The following TRAPPC8 variants were observed in gnomAD, a reference collection of about 807,000 sequenced individuals.
TRAPPC8 encodes the protein trafficking protein particle complex subunit 8.
TRAPPC8 carries 54 observed loss-of-function variants against 174.3 expected under a neutral mutation model. The ratio of observed to expected loss-of-function variants is 0.31; its 90% CI spans 0.25 to 0.39. TRAPPC8 has a LOEUF of 0.39. TRAPPC8 is among the 10% of genes least tolerant of loss of function. The probability of loss-of-function intolerance (pLI) is 1.00; values close to 1 mark genes in which losing one functional copy is unlikely to be tolerated. For synonymous variants in TRAPPC8, 630 were observed against 579.9 expected (o/e 1.09, Z -1.24); for missense variants, 1,531 against 1,699.1 (o/e 0.90, Z 1.74).
chr18:31,942,580 C>T (rs2038394799), intron 1 of TRAPPC8, 28 bp downstream of exon 1: 1 of 1,498,858 alleles, frequency 6.7e-7, no homozygotes, highest in Admixed American at 2.2e-5. Context: ...TTGCGGGAGC[C>T]CACTGGAAAA....
chr18:31,858,862 G>A (rs2034173440), intron 19 of TRAPPC8, among the ~76,000 whole-genome samples: 1 of 149,012 alleles, frequency 6.7e-6, no homozygotes, highest in Admixed American at 6.6e-5. Context: ...GCCAGAGTTG[G>A]TGGATCCCAG....
chr18:31,910,404 G>T (rs1184764145), intron 5 of TRAPPC8, among the ~76,000 whole-genome samples: 1 of 152,116 alleles, frequency 6.6e-6, no homozygotes, highest in Non-Finnish European at 1.5e-5. Context: ...AAGTGACCAG[G>T]ACAAGAAAGT....
intron 27 of TRAPPC8, among the ~76,000 whole-genome samples, chr18:31,834,453 A>G (rs2032588887): frequency 1.3e-5 from 2 of 152,276 alleles, no homozygotes; most frequent in Middle Eastern, 3.4e-3. Flanking sequence ...TAGTTTTTCT[A>G]AAATGCTAAT....
At chr18:31,853,807 G>T in intron 22 of TRAPPC8, 42 bp downstream of exon 22, 2 of 1,460,404 alleles carry the variant, frequency 1.4e-6, no homozygotes, top group Non-Finnish European at 9.4e-7. Context: ...ACCAAGTAAT[G>T]AAGTTTCAAA....
At chr18:31,901,108 A>C in intron 9 of TRAPPC8, 83 bp from the exon 10 acceptor site, 1 of 1,268,006 alleles carries the variant, frequency 7.9e-7, no homozygotes, top group Non-Finnish European at 1.1e-6. Flanking sequence ...TTGGAATGAA[A>C]TTTGCTGTTT....
intron 16 of TRAPPC8, among the ~76,000 whole-genome samples, chr18:31,869,841 C>A (rs1568066799): frequency 6.6e-6 from 1 of 152,184 alleles, no homozygotes; most frequent in African/African-American, 2.4e-5. Context: ...GTAATCCCAG[C>A]ACTTCGGGAG....
chr18:31,881,893 ACTAAT>A (rs1416519934), intron 12 of TRAPPC8, among the ~76,000 whole-genome samples: 1 of 152,184 alleles, frequency 6.6e-6, no homozygotes, highest in Non-Finnish European at 1.5e-5. Flanking sequence ...ACTGAACATC[ACTAAT>A]CATTAGAGAA....
In TRAPPC8 at chr18:31,909,708, T is replaced by C. The variant is rs764698830; in HGVS notation, c.824A>G (p.Asn275Ser). The C allele has an allele frequency of 6.2e-7, 1 of 1,601,302 alleles. No individual in the cohort carries two copies. The highest frequency in any genetic ancestry group is 8.5e-7 in the Non-Finnish European group (1 of 1,176,558). Residue 275 changes from asparagine (N) to serine (S), a missense_variant, in exon 6 of 29, where the codon AAT becomes AGT. Transcript: ENST00000283351. ...CTITSNKNSD[N>S]NLLSLDGLDN... ...TAATCCATCCAATGAAAGCAAGTTA[T>C]TATCAGAATTCTTATTTGAAGTTAT...
In TRAPPC8 at chr18:31,880,113, ATATATATATTT is replaced by A. The variant is rs1315989318; in HGVS notation, c.1729-5420_1729-5410del. Among the ~76,000 whole-genome samples, 26 of 84,128 alleles carry A rather than the reference ATATATATATTT, an allele frequency of 3.1e-4. 1 individual carries two copies. Among genetic ancestry groups the A allele is most frequent in the South Asian group, 8.4e-4 (2 of 2,394 alleles). The allele number at this position is 84,128 out of a possible 152,430, so 55.2% of individuals were successfully genotyped here. On this transcript the variant is annotated intron_variant, in intron 12 of 28. Coordinates refer to ENST00000283351, the MANE Select transcript of TRAPPC8 (RefSeq NM_014939.5). ...AAAATATATATATATATATATATAT[ATATATATATTT>A]TTTTTTTTTTAAGGAAGAAAGATTC...
In TRAPPC8 at chr18:31,917,409, T is replaced by C. The variant is rs185785259; in HGVS notation, c.442+169A>G. 2.0e-5 allele frequency among the ~76,000 whole-genome samples: 3 copies of C among 151,512 alleles called. No homozygotes were observed. The East Asian group carries it at 5.8e-4, about 29-fold the overall frequency. On this transcript the variant is annotated intron_variant, in intron 3 of 28. Transcript: ENST00000283351. ...TTAAAAAATTGTTATAGCAGTCCTG[T>C]ATCTAGGAGGCCATTTAACAAAATA...
At chr18:31,934,016 C>T (rs1401076941) in intron 1 of TRAPPC8, among the ~76,000 whole-genome samples, 1 of 151,888 alleles carries the variant, frequency 6.6e-6, no homozygotes, top group Non-Finnish European at 1.5e-5. Flanking sequence ...GGTGAAACCC[C>T]CATCTCTACT....
At chr18:31,854,515 C>T (rs1448219571) in intron 21 of TRAPPC8, among the ~76,000 whole-genome samples, 1 of 151,962 alleles carries the variant, frequency 6.6e-6, no homozygotes, top group Admixed American at 6.6e-5. Flanking sequence ...AGCACATTAG[C>T]CCTAAATATC....
intron 28 of TRAPPC8, 136 bp from the exon 29 acceptor site, chr18:31,831,125 G>A (rs2032342090): frequency 4.6e-6 from 3 of 656,214 alleles, no homozygotes; most frequent in Non-Finnish European, 7.8e-6. Flanking sequence ...GGCTGAGGCA[G>A]GTGGATCACC....
chr18:31,846,570 AGTC>A, intron 26 of TRAPPC8, 143 bp downstream of exon 26: 1 of 643,474 alleles, frequency 1.6e-6, no homozygotes, highest in Non-Finnish European at 2.7e-6. Flanking sequence ...AGTGAGATCC[AGTC>A]TCAAAACAAC....
intron 13 of TRAPPC8, 138 bp downstream of exon 13, chr18:31,874,342 C>T (rs895984312): frequency 2.3e-6 from 2 of 880,246 alleles, no homozygotes; most frequent in Middle Eastern, 7.0e-4. Flanking sequence ...AGCCAAAAAG[C>T]CTAGCCTGCC....
Position 31,909,649 on chromosome 18 carries a change from G to A in TRAPPC8, c.865+18C>T. The A allele has an allele frequency of 6.3e-7, 1 of 1,584,688 alleles. No homozygotes were observed. The highest frequency in any genetic ancestry group is 8.5e-7 in the Non-Finnish European group (1 of 1,171,660). Reference sequence around the variant, plus strand: ...TATTTTCAATCAAAAGAGAAACTTAGAGAAAATATATCAAGACCTTTGACT... The same window carrying A: ...TATTTTCAATCAAAAGAGAAACTTAAAGAAAATATATCAAGACCTTTGACT... On this transcript the variant is annotated intron_variant, in intron 6 of 28. Coordinates refer to ENST00000283351, the MANE Select transcript of TRAPPC8 (RefSeq NM_014939.5).
chr18:31,837,009 G>A (rs759960210), intron 27 of TRAPPC8, among the ~76,000 whole-genome samples: 34 of 151,870 alleles, frequency 2.2e-4, no homozygotes, highest in Non-Finnish European at 4.7e-4. Flanking sequence ...TGATCCGCCC[G>A]CCTTGGCCTC....
intron 2 of TRAPPC8, among the ~76,000 whole-genome samples, chr18:31,929,563 G>C (rs2037764560): frequency 6.6e-6 from 1 of 152,020 alleles, no homozygotes; most frequent in Non-Finnish European, 1.5e-5. Context: ...TAGTTGGTAG[G>C]CTGAGGTGAG....
At position 31,934,694 on chromosome 18, in the gene TRAPPC8, C is replaced by T. The variant is rs187750508; in HGVS notation, c.158-3171G>A. Among the ~76,000 whole-genome samples the T allele has an allele frequency of 5.2e-3, 786 of 151,996 alleles. 4 individuals carry two copies. The highest frequency in any genetic ancestry group is 0.018 in the African/African-American group (742 of 41,466). ...ACCAGCCTGGCCAACGTGGTGAAAC[C>T]CCGTCTCTACTAAAAATACAAAATT... On this transcript the variant is annotated intron_variant, in intron 1 of 28. Coordinates refer to ENST00000283351, the MANE Select transcript of TRAPPC8 (RefSeq NM_014939.5).
Sources: allele counts gnomAD v4.1 joint callset (sites outside exome capture counted in the v4.1 genomes callset), GRCh38; gene constraint gnomAD v4.1.1; transcripts MANE v1.5; gene names NCBI Gene and HGNC (gene_info 2026-07-23, HGNC 2026-07-21).